ZNF106: variants seen among roughly 807,000 people sequenced by gnomAD.
The protein encoded by ZNF106 is zinc finger protein 106, also known as SH3-domain binding protein 3.
ZNF106 carries 67 observed loss-of-function variants against 195.1 expected under a neutral mutation model. The observed-to-expected ratio is 0.34, with a 90% CI of 0.28 to 0.42. The LOEUF (loss-of-function observed/expected upper bound fraction) is 0.42. Ranked by LOEUF, ZNF106 falls within the 10% of genes least tolerant of loss-of-function variation. The probability of loss-of-function intolerance (pLI) is 1.00; values close to 1 mark genes in which losing one functional copy is unlikely to be tolerated. For missense variants in ZNF106, 2,118 were observed against 2,304.5 expected (o/e 0.92, Z 1.66); for synonymous variants, 784 against 818.6 (o/e 0.96, Z 0.72).
At chr15:42,456,836 A>G (rs2056241347) in intron 4 of ZNF106, 122 bp downstream of exon 4, 3 of 896,386 alleles carry the variant, frequency 3.3e-6, no homozygotes, top group Non-Finnish European at 5.1e-6. Context: ...TAAGACAACA[A>G]CCTCAAGCTA....
Position 42,450,260 on chromosome 15 carries a change from C to G in ZNF106, c.2012G>C (p.Arg671Pro). The change falls in exon 5 of 22, where the codon CGC becomes CCC. Residue 671 changes from arginine to proline, a missense_variant. Transcript: ENST00000564754. Reference sequence around the variant, plus strand: ...CATTTGTAATTCAGATTCTTTCTGGCGAACTATGGGATTACATGGGGAAGT... The same window carrying G: ...CATTTGTAATTCAGATTCTTTCTGGGGAACTATGGGATTACATGGGGAAGT... ...LSTSPCNPIV[R>P]QKESELQMTS... 1 of 1,614,122 alleles carries G rather than the reference C, an allele frequency of 6.2e-7. No homozygotes were observed. Among genetic ancestry groups the G allele is most frequent in the South Asian group, 1.1e-5 (1 of 91,080 alleles).
At position 42,451,265 on chromosome 15, in the gene ZNF106, T is replaced by A. The variant is rs370304389; in HGVS notation, c.1007A>T (p.Asp336Val). ...SDKFPSEGLL[D>V]FNFEQLESQT... ...GCTTTCCAGCTGCTCAAAATTGAAG[T>A]CGAGTAAGCCTTCTGAAGGAAATTT... The change falls in exon 5 of 22, where the codon GAC becomes GTC. Residue 336 changes from aspartate (D) to valine (V), a missense_variant. Transcript: ENST00000564754. The A allele has an allele frequency of 1.9e-6, 3 of 1,614,196 alleles. No homozygotes were observed. In the South Asian group the frequency reaches 3.3e-5, roughly 18 times the overall value.
chr15:42,420,912 C>T (rs1309116370), intron 20 of ZNF106, 149 bp downstream of exon 20: 4 of 672,512 alleles, frequency 5.9e-6, no homozygotes, highest in Non-Finnish European at 1.0e-5. Flanking sequence ...AAACCACCAC[C>T]GAGGAGACAA....
chr15:42,488,479 T>C (rs2057065170), intron 1 of ZNF106, among the ~76,000 whole-genome samples: 1 of 152,034 alleles, frequency 6.6e-6, no homozygotes, highest in Non-Finnish European at 1.5e-5. Flanking sequence ...CTGTAGAGTT[T>C]CCACTAGTGA....
chr15:42,439,533 T>C lies in ZNF106; in HGVS notation c.4044A>G (p.Glu1348=), dbSNP rs1348956483. 2 of 1,614,166 alleles carry C rather than the reference T, an allele frequency of 1.2e-6. No homozygotes were observed. The highest frequency in any genetic ancestry group is 1.7e-5 in the Admixed American group (1 of 60,026). ...CAGGCTGGTCAGCTGGAGAGTGGGG[T>C]TCCTTCTCCAAAGGGGTTTCTGAAG... is the stretch of plus-strand genomic sequence containing the variant. ...SFASETPLEK[E]PHSPADQPEQ... is the part of the protein sequence containing the mutation. Residue 1348 remains glutamate, a synonymous_variant, in exon 11 of 22, where the codon GAA becomes GAG. Transcript: ENST00000564754.
chr15:42,472,129 T>C, intron 2 of ZNF106, 107 bp downstream of exon 2: 1 of 1,087,596 alleles, frequency 9.2e-7, no homozygotes, highest in Non-Finnish European at 1.2e-6. Context: ...TTGTCAAAGC[T>C]TTTCCTATTA....
In ZNF106 at chr15:42,470,069, C is replaced by T. The variant is rs115786806; in HGVS notation, c.54+2167G>A. Among the ~76,000 whole-genome samples the T allele has an allele frequency of 6.1e-3, 922 of 151,984 alleles. 6 individuals are homozygous for T. The highest frequency in any genetic ancestry group is 0.021 in the African/African-American group (882 of 41,444). On this transcript the variant is annotated intron_variant, in intron 2 of 21. Coordinates refer to ENST00000564754, the MANE Select transcript of ZNF106 (RefSeq NM_001366845.3). ...CACATGTGGAAAACATTGAATAATA[C>T]AAAAAATATGACCAGGTGTAGTGGC...
rs562834494 is a variant in ZNF106 at position 42,471,696 on chromosome 15, A to C, written c.54+540T>G. 7.9e-5 allele frequency among the ~76,000 whole-genome samples: 12 copies of C among 152,294 alleles called. No individual in the cohort carries two copies. In the South Asian group the frequency reaches 2.5e-3, roughly 32 times the overall value. ...CAGTGAGCTGAGATTGCGCCACTGCACTCCAGCATAGGCAACACAGTTAAG... is the reference window on the plus strand; with the variant it reads ...CAGTGAGCTGAGATTGCGCCACTGCCCTCCAGCATAGGCAACACAGTTAAG... On this transcript the variant is annotated intron_variant, in intron 2 of 21. Coordinates refer to ENST00000564754, the MANE Select transcript of ZNF106 (RefSeq NM_001366845.3).
At chr15:42,449,301 T>C (rs1298024100) in intron 5 of ZNF106, among the ~76,000 whole-genome samples, 1 of 152,176 alleles carries the variant, frequency 6.6e-6, no homozygotes, top group African/African-American at 2.4e-5. Flanking sequence ...AGAGAAAGCA[T>C]GTTGTAGTCA....
intron 13 of ZNF106, 146 bp from the exon 14 acceptor site, chr15:42,435,664 A>C (rs1363799695): frequency 1.0e-5 from 10 of 953,444 alleles, no homozygotes; most frequent in Admixed American, 2.4e-5. Context: ...AAAGATGCTC[A>C]GTAAATGTAT....
At chr15:42,418,537 T>TTTTTC (rs1252810606) in intron 20 of ZNF106, among the ~76,000 whole-genome samples, 1 of 124,914 alleles carries the variant, frequency 8.0e-6, no homozygotes, top group East Asian at 2.3e-4. Context: ...AGTTAATTTT[T>TTTTTC]TTTTTTTTTT....
rs2054357733 is a variant in ZNF106 at position 42,414,004 on chromosome 15, CA to C, written c.*3299del. ...CCATTTAAACACTAGCATAGGTACA[CA>C]AAAAGATTTATACTATGGTTTTCTT... On this transcript the variant is annotated 3_prime_UTR_variant, in exon 22 of 22. Coordinates refer to ENST00000564754, the MANE Select transcript of ZNF106 (RefSeq NM_001366845.3). The C allele has an allele frequency of 6.6e-6, 1 of 152,204 alleles. No individual in the cohort carries two copies. Among genetic ancestry groups the C allele is most frequent in the South Asian group, 2.1e-4 (1 of 4,832 alleles). The allele number at this position is 152,204 out of a possible 1,614,324, so 9.4% of individuals were successfully genotyped here. A position where few individuals can be genotyped will look rare whatever the true frequency, so the allele number is the denominator to read the frequency against.
In ZNF106 at chr15:42,439,441, C is replaced by T. The variant is rs187609163; in HGVS notation, c.4136G>A (p.Arg1379Gln). 3.8e-5 allele frequency: 62 copies of T among 1,613,442 alleles called. No individual in the cohort carries two copies. Among genetic ancestry groups the T allele is most frequent in the East Asian group, 1.1e-4 (5 of 44,876 alleles). ...GGCAGCCCGTAGACTTTTCTTCTTCCGGAGTTTCTTCTTTTTCTTGCTTCC... is the reference window on the plus strand; with the variant it reads ...GGCAGCCCGTAGACTTTTCTTCTTCTGGAGTTTCTTCTTTTTCTTGCTTCC... ...TRGSKKKKKL[R>Q]KKKSLRAAHV... Residue 1379 changes from arginine to glutamine, a missense_variant, in exon 11 of 22, where the codon CGG (arginine) becomes CAG (glutamine). By Grantham distance (43) the Arg-to-Gln change is conservative. Coordinates refer to ENST00000564754, the MANE Select transcript of ZNF106 (RefSeq NM_001366845.3).
At position 42,414,290 on chromosome 15, in the gene ZNF106, TGTAAGTA is replaced by T. The variant is rs1445257737; in HGVS notation, c.*3007_*3013del. On this transcript the variant is annotated 3_prime_UTR_variant, in exon 22 of 22. Coordinates refer to ENST00000564754, the MANE Select transcript of ZNF106 (RefSeq NM_001366845.3). Reference sequence around the variant, plus strand: ...AGTTCTGTATAATTTTCAAGACTCTTGTAAGTAGTAACACACAGCCATAAGCAGCCAA... The same window carrying T: ...AGTTCTGTATAATTTTCAAGACTCTTGTAACACACAGCCATAAGCAGCCAA... 2 of 152,234 alleles carry T rather than the reference TGTAAGTA, an allele frequency of 1.3e-5. No individual in the cohort carries two copies. Among genetic ancestry groups the T allele is most frequent in the African/African-American group, 2.4e-5 (1 of 41,452 alleles). The allele number at this position is 152,234 out of a possible 1,614,324, so 9.4% of individuals were successfully genotyped here.
intron 9 of ZNF106, among the ~76,000 whole-genome samples, chr15:42,442,705 C>T (rs921220833): frequency 2.0e-5 from 3 of 151,224 alleles, no homozygotes; most frequent in Admixed American, 6.6e-5. Flanking sequence ...CAGCCTTGAC[C>T]TCCTGGACTC....
At chr15:42,487,359 G>A (rs1257009837) in intron 1 of ZNF106, among the ~76,000 whole-genome samples, 5 of 151,360 alleles carry the variant, frequency 3.3e-5, no homozygotes, top group Admixed American at 6.6e-5. Flanking sequence ...ATGGTGGCAC[G>A]CACCTGTAGT....
At chr15:42,434,851 G>A (rs1045266031) in intron 14 of ZNF106, among the ~76,000 whole-genome samples, 4 of 147,944 alleles carry the variant, frequency 2.7e-5, no homozygotes, top group African/African-American at 1.0e-4. Flanking sequence ...TCGGCTCACT[G>A]CAACCTCCAC....
chr15:42,490,044 A>T (rs555137467), intron 1 of ZNF106, among the ~76,000 whole-genome samples: 14 of 151,790 alleles, frequency 9.2e-5, no homozygotes, highest in African/African-American at 2.4e-4. Flanking sequence ...GTCCTAAAAA[A>T]AATAATAATA....
chr15:42,430,753 CT>C (rs2055021755), intron 14 of ZNF106, among the ~76,000 whole-genome samples: 1 of 151,980 alleles, frequency 6.6e-6, no homozygotes. Flanking sequence ...TAAGTTACGG[CT>C]TTTCCCCCTG....
Sources: gnomAD v4.1 joint callset for allele counts (sites outside exome capture counted in the v4.1 genomes callset) on GRCh38, gnomAD v4.1.1 for gene constraint, MANE v1.5 for transcripts, NCBI Gene and HGNC (gene_info 2026-07-23, HGNC 2026-07-21) for gene names.